ADAMTS17: variants seen among roughly 807,000 people sequenced by gnomAD.
The protein encoded by ADAMTS17 is A disintegrin and metalloproteinase with thrombospondin motifs 17.
ADAMTS17 carries 113 observed loss-of-function variants against 141.5 expected under a neutral mutation model. The ratio of observed to expected loss-of-function variants is 0.80; its 90% CI spans 0.69 to 0.93. The LOEUF is 0.93. ADAMTS17 is among the 40% of genes least tolerant of loss of function. The pLI, the probability that ADAMTS17 is intolerant of heterozygous loss-of-function variation, is 0.00. For synonymous variants in ADAMTS17, 768 were observed against 630.6 expected (o/e 1.22, Z -3.27); for missense variants, 1,659 against 1,517.9 (o/e 1.09, Z -1.54).
intron 2 of ADAMTS17, among the ~76,000 whole-genome samples, chr15:100,333,284 TACTC>T (rs1174657936): frequency 6.6e-6 from 1 of 152,144 alleles, no homozygotes; most frequent in Non-Finnish European, 1.5e-5. Context: ...ACATAACAGT[TACTC>T]AGAAAGAAAA....
chr15:100,181,885 G>C (rs1411491971), intron 8 of ADAMTS17, among the ~76,000 whole-genome samples: 2 of 152,194 alleles, frequency 1.3e-5, no homozygotes, highest in African/African-American at 4.8e-5. Flanking sequence ...ACAGCACTAG[G>C]ACTTAACTAG....
At chr15:100,149,926 T>C (rs928686737) in intron 10 of ADAMTS17, among the ~76,000 whole-genome samples, 2 of 152,194 alleles carry the variant, frequency 1.3e-5, no homozygotes, top group African/African-American at 4.8e-5. Context: ...AAAGAAAGTG[T>C]CACTAGCCTT....
At chr15:100,252,868 A>G (rs2043196359) in intron 7 of ADAMTS17, among the ~76,000 whole-genome samples, 1 of 152,186 alleles carries the variant, frequency 6.6e-6, no homozygotes, top group South Asian at 2.1e-4. Flanking sequence ...AATGGTAGCT[A>G]TCATTATATT....
chr15:100,253,340 AAGGGGAAGGTGAGGG>A (rs749914511), intron 7 of ADAMTS17, among the ~76,000 whole-genome samples: 372 of 125,714 alleles, frequency 3.0e-3, no homozygotes, highest in Middle Eastern at 3.7e-3. Flanking sequence ...ATGGCAGGTG[AAGGGGAAGGTGAGGG>A]AGGGGAAGGT....
At chr15:100,004,693 G>A (rs374079476) in intron 18 of ADAMTS17, among the ~76,000 whole-genome samples, 97 of 146,670 alleles carry the variant, frequency 6.6e-4, no homozygotes, top group African/African-American at 2.2e-3. Flanking sequence ...CAATCTCGGC[G>A]CACTGCAGCC....
chr15:100,013,189 C>T (rs775075059), intron 18 of ADAMTS17, among the ~76,000 whole-genome samples: 17 of 151,954 alleles, frequency 1.1e-4, no homozygotes, highest in Non-Finnish European at 1.5e-4. Flanking sequence ...TCTGCTTGGT[C>T]GCTTTTGGTA....
At chr15:100,308,702 A>C (rs555282056) in intron 3 of ADAMTS17, among the ~76,000 whole-genome samples, 99 of 152,312 alleles carry the variant, frequency 6.5e-4, no homozygotes, top group Non-Finnish European at 9.4e-4. Context: ...TAGCCATCCA[A>C]GTTTGCCCTG....
At chr15:100,251,715 G>T (rs1376681188) in intron 7 of ADAMTS17, among the ~76,000 whole-genome samples, 1 of 152,228 alleles carries the variant, frequency 6.6e-6, no homozygotes, top group African/African-American at 2.4e-5. Context: ...TCCAGCCTGG[G>T]CGACAGAGCG....
At chr15:100,201,869 T>C (rs554497714) in intron 7 of ADAMTS17, among the ~76,000 whole-genome samples, 42 of 152,330 alleles carry the variant, frequency 2.8e-4, no homozygotes, top group African/African-American at 9.1e-4. Context: ...TTTACAAGTC[T>C]ACCAGTGAGT....
At chr15:100,306,931 C>T (rs1020317420) in intron 3 of ADAMTS17, among the ~76,000 whole-genome samples, 2 of 152,176 alleles carry the variant, frequency 1.3e-5, no homozygotes, top group African/African-American at 4.8e-5. Flanking sequence ...AACATGACTT[C>T]CTTCCTCTGC....
intron 20 of ADAMTS17, chr15:99,976,543 G>C: frequency 1.9e-6 from 1 of 519,524 alleles, no homozygotes; most frequent in Non-Finnish European, 3.5e-6. Context: ...AAGATGTTAT[G>C]GAATACATGT....
At chr15:100,116,730 G>A (rs1483590573) in intron 13 of ADAMTS17, 117 bp downstream of exon 13, 3 of 1,404,168 alleles carry the variant, frequency 2.1e-6, no homozygotes, top group Non-Finnish European at 3.0e-6. Context: ...GCAGAGGACT[G>A]GAGTGTCTTG....
chr15:100,277,013 C>G (rs921843746), intron 4 of ADAMTS17, among the ~76,000 whole-genome samples: 1 of 151,864 alleles, frequency 6.6e-6, no homozygotes, highest in Non-Finnish European at 1.5e-5. Flanking sequence ...AGGGCTGCTG[C>G]GGTGTGAGCC....
intron 10 of ADAMTS17, among the ~76,000 whole-genome samples, chr15:100,151,431 G>C (rs372851603): frequency 6.6e-5 from 10 of 152,286 alleles, no homozygotes; most frequent in African/African-American, 2.2e-4. Context: ...CTGTCTCCAG[G>C]AGTCTGGGCT....
rs144928920 is a variant in ADAMTS17 at position 100,116,894 on chromosome 15, C to G, written c.1841G>C (p.Arg614Pro). The G allele has an allele frequency of 1.5e-4, 244 of 1,614,156 alleles. 1 individual carries two copies. The African/African-American group carries it at 2.0e-3, about 13-fold the overall frequency. Reference sequence around the variant, plus strand: ...CAGGCCTTTCTTCTTGGGGCTCAGCCGGTCGTGTGCCTGGCACTGCTGGTC... The same window carrying G: ...CAGGCCTTTCTTCTTGGGGCTCAGCGGGTCGTGTGCCTGGCACTGCTGGTC... ...FRDQQCQAHD[R>P]LSPKKKGLLT... Residue 614 changes from arginine (R) to proline (P), a missense_variant, in exon 13 of 22, where the codon CGG becomes CCG. Physicochemically the swap from Arg to Pro is moderately radical, Grantham distance 103. Transcript: ENST00000268070.
At chr15:100,044,353 CA>C (rs2031510830) in intron 18 of ADAMTS17, among the ~76,000 whole-genome samples, 1 of 152,174 alleles carries the variant, frequency 6.6e-6, no homozygotes, top group African/African-American at 2.4e-5. Context: ...TCATTGTCAA[CA>C]ATTTTTTCCT....
chr15:100,079,348 C>T (rs1283082270), intron 15 of ADAMTS17, among the ~76,000 whole-genome samples: 5 of 152,118 alleles, frequency 3.3e-5, no homozygotes, highest in Non-Finnish European at 5.9e-5. Flanking sequence ...TATCTCCAAA[C>T]AATGGAATAG....
At chr15:100,317,146 G>C (rs1159269886) in intron 3 of ADAMTS17, among the ~76,000 whole-genome samples, 3 of 152,146 alleles carry the variant, frequency 2.0e-5, no homozygotes, top group Non-Finnish European at 2.9e-5. Flanking sequence ...AAAATCCTAA[G>C]ATTTCCTCAG....
chr15:99,988,700 AAG>A (rs2060637430), intron 20 of ADAMTS17, among the ~76,000 whole-genome samples: 1 of 152,176 alleles, frequency 6.6e-6, no homozygotes, highest in Non-Finnish European at 1.5e-5. Context: ...ATGGCTGGTG[AAG>A]AGAGGACGGC....
Sources: allele counts gnomAD v4.1 joint callset (sites outside exome capture counted in the v4.1 genomes callset), GRCh38; gene constraint gnomAD v4.1.1; transcripts MANE v1.5; gene names NCBI Gene and HGNC (gene_info 2026-07-23, HGNC 2026-07-21).